The following WWOX variants were observed in gnomAD, a reference collection of about 807,000 sequenced individuals.
WWOX encodes WW domain-containing oxidoreductase.
Under a neutral mutation model 46.2 loss-of-function variants are expected in WWOX, and 69 were observed. The ratio of observed to expected loss-of-function variants is 1.49; its 90% CI spans 1.23 to 1.82. The LOEUF (loss-of-function observed/expected upper bound fraction) is 1.82. WWOX is among the 40% of genes most tolerant of loss of function. The pLI, the probability that WWOX is intolerant of heterozygous loss-of-function variation, is 0.00. For missense variants in WWOX, 919 were observed against 542.6 expected (o/e 1.69, Z -6.89); for synonymous variants, 359 against 202.6 (o/e 1.77, Z -6.56).
chr16:78,947,375 C>CA (rs1017406839), intron 8 of WWOX, among the ~76,000 whole-genome samples: 17 of 109,896 alleles, frequency 1.5e-4, no homozygotes, highest in South Asian at 3.3e-4. Context: ...TTTTTCTCTT[C>CA]CCCCCCTTAG....
chr16:78,790,182 G>A (rs551873368), intron 8 of WWOX, among the ~76,000 whole-genome samples: 1 of 152,118 alleles, frequency 6.6e-6, no homozygotes, highest in Admixed American at 6.5e-5. Flanking sequence ...TGTTGCCCGG[G>A]CTGGAGTGCA....
intron 8 of WWOX, among the ~76,000 whole-genome samples, chr16:79,033,387 C>G (rs1286078143): frequency 1.3e-5 from 2 of 148,788 alleles, no homozygotes; most frequent in Admixed American, 6.7e-5. Flanking sequence ...ATAATATAGA[C>G]TCTAATAATT....
chr16:78,940,771 G>C (rs1204030089), intron 8 of WWOX, among the ~76,000 whole-genome samples: 1 of 148,416 alleles, frequency 6.7e-6, no homozygotes, highest in Non-Finnish European at 1.5e-5. Flanking sequence ...TCAAGTCCCT[G>C]TTTGTTATCT....
intron 8 of WWOX, among the ~76,000 whole-genome samples, chr16:78,460,580 C>A (rs903764611): frequency 6.6e-6 from 1 of 152,210 alleles, no homozygotes; most frequent in Non-Finnish European, 1.5e-5. Context: ...GTTTGTTTTG[C>A]AGAACACTGG....
At chr16:78,984,130 G>T (rs2046738450) in intron 8 of WWOX, among the ~76,000 whole-genome samples, 1 of 151,954 alleles carries the variant, frequency 6.6e-6, no homozygotes, top group Non-Finnish European at 1.5e-5. Context: ...TGCCCGCCTT[G>T]GCCTCCCAAA....
chr16:78,518,370 T>A (rs1189364368), intron 8 of WWOX, among the ~76,000 whole-genome samples: 9 of 152,078 alleles, frequency 5.9e-5, no homozygotes, highest in African/African-American at 2.2e-4. Context: ...TAGCTGGGAC[T>A]ATAGGCACCT....
intron 8 of WWOX, among the ~76,000 whole-genome samples, chr16:78,786,858 C>T (rs1251046429): frequency 6.6e-6 from 1 of 152,046 alleles, no homozygotes; most frequent in Non-Finnish European, 1.5e-5. Context: ...TAAAATTTAC[C>T]ACTTTGGGGC....
At chr16:78,947,095 C>G (rs1354011598) in intron 8 of WWOX, among the ~76,000 whole-genome samples, 1 of 149,096 alleles carries the variant, frequency 6.7e-6, no homozygotes, top group African/African-American at 2.5e-5. Context: ...TCAATAAATC[C>G]CTGTGGAAAA....
At chr16:78,159,672 GTTTTTTTTTTTTT>G (rs35468343) in intron 4 of WWOX, among the ~76,000 whole-genome samples, 1 of 55,382 alleles carries the variant, frequency 1.8e-5, no homozygotes, top group African/African-American at 6.9e-5. Context: ...AAAATCTGTG[GTTTTTTTTTTTTT>G]TTTTTTTTTT....
At chr16:78,617,272 T>G (rs1386891304) in intron 8 of WWOX, among the ~76,000 whole-genome samples, 1 of 151,770 alleles carries the variant, frequency 6.6e-6, no homozygotes, top group Non-Finnish European at 1.5e-5. Context: ...CGTGGTGGCG[T>G]GCACCTGTGG....
Position 78,377,525 on chromosome 16 carries a change from G to C in WWOX, c.517-9335G>C, listed in dbSNP as rs111885425. On this transcript the variant is annotated intron_variant, in intron 5 of 8. Transcript: ENST00000566780. ...CGTAAATCATCACTTACATTAGAAT[G>C]AAAAATTCACTATGAAAAAAAGCTC... Among the ~76,000 whole-genome samples, 374 of 152,232 alleles carry C rather than the reference G, an allele frequency of 2.5e-3. 3 individuals carry two copies. The highest frequency in any genetic ancestry group is 8.8e-3 in the African/African-American group (365 of 41,546).
At chr16:79,000,017 C>A (rs188665060) in intron 8 of WWOX, among the ~76,000 whole-genome samples, 1 of 152,012 alleles carries the variant, frequency 6.6e-6, no homozygotes, top group South Asian at 2.1e-4. Context: ...TTTAGTAAAA[C>A]GCAGTATCTT....
intron 8 of WWOX, among the ~76,000 whole-genome samples, chr16:78,908,541 G>GA (rs111272074): frequency 0.39 from 56,315 of 145,816 alleles, 11,649 homozygotes; most frequent in East Asian, 0.71. Context: ...CTCTGTCTCG[G>GA]AAAAAAAAAA....
intron 4 of WWOX, among the ~76,000 whole-genome samples, chr16:78,143,147 T>C (rs983526043): frequency 2.0e-5 from 3 of 152,240 alleles, no homozygotes; most frequent in African/African-American, 7.2e-5. Context: ...TAATAAGATT[T>C]TGATGCATAT....
chr16:78,127,369 G>T (rs1005572907), intron 4 of WWOX, among the ~76,000 whole-genome samples: 2 of 151,858 alleles, frequency 1.3e-5, no homozygotes, highest in Non-Finnish European at 2.9e-5. Context: ...TCCTCAAGAG[G>T]CTGCCATAAT....
intron 5 of WWOX, among the ~76,000 whole-genome samples, chr16:78,378,920 C>T (rs1822111553): frequency 6.6e-6 from 1 of 152,072 alleles, no homozygotes; most frequent in Non-Finnish European, 1.5e-5. Flanking sequence ...TCAGAGCTTC[C>T]CGGTGTTACG....
intron 8 of WWOX, among the ~76,000 whole-genome samples, chr16:78,928,607 C>A (rs557917084): frequency 2.6e-5 from 4 of 152,130 alleles, no homozygotes; most frequent in Non-Finnish European, 5.9e-5. Flanking sequence ...TGTAAATACA[C>A]TTTCTAAATA....
chr16:78,492,214 G>A (rs528035041), intron 8 of WWOX, among the ~76,000 whole-genome samples: 1 of 152,126 alleles, frequency 6.6e-6, no homozygotes, highest in South Asian at 2.1e-4. Context: ...GTTTATGGAG[G>A]ATGAAGCGGG....
At chr16:78,767,078 C>A (rs554236136) in intron 8 of WWOX, among the ~76,000 whole-genome samples, 1 of 147,548 alleles carries the variant, frequency 6.8e-6, no homozygotes, top group East Asian at 2.0e-4. Context: ...CCCTCCCTCC[C>A]TCCTTCTCTC....
Sources: gnomAD v4.1 joint callset for allele counts (sites outside exome capture counted in the v4.1 genomes callset) on GRCh38, gnomAD v4.1.1 for gene constraint, MANE v1.5 for transcripts, NCBI Gene and HGNC (gene_info 2026-07-23, HGNC 2026-07-21) for gene names.